ASTN1: variants seen among roughly 807,000 people sequenced by gnomAD.
ASTN1 encodes the protein astrotactin-1.
Under a neutral mutation model 140.7 loss-of-function variants are expected in ASTN1, and 41 were observed. The observed-to-expected ratio is 0.29, with a 90% CI of 0.23 to 0.38. The LOEUF (loss-of-function observed/expected upper bound fraction) is 0.38, where lower values mean the gene tolerates loss of function less well. Ranked by LOEUF, ASTN1 falls within the 10% of genes least tolerant of loss-of-function variation. The pLI, the probability that ASTN1 is intolerant of heterozygous loss-of-function variation, is 1.00. For synonymous variants in ASTN1, 640 were observed against 652.2 expected (o/e 0.98, Z 0.29); for missense variants, 1,479 against 1,678.8 (o/e 0.88, Z 2.08).
rs777376407 is a variant in ASTN1, at chr1:177,032,725, T to C, written c.596A>G (p.Asn199Ser). 1.8e-5 allele frequency: 29 copies of C among 1,613,900 alleles called. No individual in the cohort carries two copies. The highest frequency in any genetic ancestry group is 4.5e-5 in the East Asian group (2 of 44,872). Residue 199 changes from asparagine to serine, a missense_variant, in exon 3 of 23, where the codon AAT becomes AGT. By Grantham distance (46) the Asn-to-Ser change is conservative. Around this residue, in one of 3 missense-constraint regions of ASTN1, gnomAD observed 729 missense variants for 860.4 expected, o/e 0.85. Transcript: ENST00000361833. ...CACAGAAGGAATGTAGTGAATCTCA[T>C]TGGCTGCCTCAGCACTGGCACTCTT... The part of the protein sequence containing the change: ...PQKSASAEAA[N>S]EIHYIPSVLI...
intron 15 of ASTN1, 176 bp downstream of exon 15, chr1:176,936,090 G>T (rs1557972558): frequency 2.9e-6 from 2 of 691,414 alleles, no homozygotes. Flanking sequence ...ACTTAGAAAA[G>T]AATTCGATTC....
intron 1 of ASTN1, among the ~76,000 whole-genome samples, chr1:177,136,429 C>T (rs977186329): frequency 1.6e-4 from 24 of 151,458 alleles, no homozygotes; most frequent in African/African-American, 5.1e-4. Flanking sequence ...CTCAGCTCAC[C>T]GCAACTTCCA....
At chr1:177,012,763 G>T (rs540831266) in intron 8 of ASTN1, among the ~76,000 whole-genome samples, 1 of 152,336 alleles carries the variant, frequency 6.6e-6, no homozygotes, top group East Asian at 1.9e-4. Flanking sequence ...CAAGGCTAGA[G>T]ATGTGGAGGC....
chr1:177,153,116 C>T (rs1683108199), intron 1 of ASTN1, among the ~76,000 whole-genome samples: 1 of 152,026 alleles, frequency 6.6e-6, no homozygotes, highest in Non-Finnish European at 1.5e-5. Flanking sequence ...ATGGAAGGTG[C>T]CTGGGTTGTA....
chr1:177,061,020 C>A (rs1302212078), intron 2 of ASTN1, 58 bp downstream of exon 2: 1 of 1,416,474 alleles, frequency 7.1e-7, no homozygotes. Context: ...TACCAAGACC[C>A]TTAATGTCAA....
intron 8 of ASTN1, among the ~76,000 whole-genome samples, chr1:176,971,845 C>A (rs2101863573): frequency 6.6e-6 from 1 of 152,266 alleles, no homozygotes; most frequent in South Asian, 2.1e-4. Context: ...CTGGATGAGG[C>A]AATCATTGAA....
intron 2 of ASTN1, among the ~76,000 whole-genome samples, chr1:177,041,404 G>A (rs992362134): frequency 6.6e-6 from 1 of 152,190 alleles, no homozygotes; most frequent in African/African-American, 2.4e-5. Flanking sequence ...CAGATAGGCT[G>A]GAAGATAAAA....
Position 176,962,786 on chromosome 1 carries a change from C to T in ASTN1, c.1598+2377G>A, listed in dbSNP as rs563276797. ...ATTAGTTTGCTCTGGGTATGATCAT[C>T]GGTCATTTTTAAAGCACATTGGGGA... is the stretch of plus-strand genomic sequence containing the variant. On this transcript the variant is annotated intron_variant, in intron 9 of 22. Transcript: ENST00000361833. Among the ~76,000 whole-genome samples, 10 of 152,220 alleles carry T rather than the reference C, an allele frequency of 6.6e-5. No homozygotes were observed. In the South Asian group the frequency reaches 1.2e-3, roughly 19 times the overall value.
At chr1:177,015,911 C>A (rs116123856) in intron 7 of ASTN1, among the ~76,000 whole-genome samples, 3,400 of 152,232 alleles carry the variant, frequency 0.022, 123 homozygotes, top group African/African-American at 0.076. Context: ...TAAATGTCTG[C>A]TTAATTTATA....
Position 177,024,623 on chromosome 1 carries a change from G to C in ASTN1, c.1230C>G (p.Val410=). 1.2e-6 allele frequency: 2 copies of C among 1,614,070 alleles called. No individual in the cohort carries two copies. Among genetic ancestry groups the C allele is most frequent in the Non-Finnish European group, 1.7e-6 (2 of 1,180,008 alleles). Residue 410 remains valine, a synonymous_variant, in exon 6 of 23, where the codon GTC becomes GTG. Transcript: ENST00000361833. ...CSSHVNCPLV[V]KITLHVPEHL... is the part of the protein sequence containing the mutation. ...GCTCAGGGACATGCAGGGTGATCTT[G>C]ACAACGAGAGGGCAGTTGACGTGAG...
intron 17 of ASTN1, among the ~76,000 whole-genome samples, chr1:176,892,237 T>A (rs1669298611): frequency 6.6e-6 from 1 of 152,186 alleles, no homozygotes. Context: ...ATTACTTTGA[T>A]GCCAAATTAT....
At chr1:177,007,023 C>A (rs868300788) in intron 8 of ASTN1, among the ~76,000 whole-genome samples, 2 of 152,196 alleles carry the variant, frequency 1.3e-5, no homozygotes, top group African/African-American at 4.8e-5. Flanking sequence ...CAACACCCAG[C>A]GGTTACTATG....
intron 1 of ASTN1, among the ~76,000 whole-genome samples, chr1:177,072,027 AG>A (rs2102056913): frequency 6.6e-6 from 1 of 152,296 alleles, no homozygotes; most frequent in Non-Finnish European, 1.5e-5. Context: ...AAGGCCAATG[AG>A]GGTAAGTGAC....
chr1:176,947,227 T>G (rs538316243), intron 12 of ASTN1, among the ~76,000 whole-genome samples: 56 of 152,318 alleles, frequency 3.7e-4, no homozygotes, highest in Admixed American at 2.7e-3. Context: ...TTCACTGGGT[T>G]GTTGAGAAGA....
At chr1:177,087,378 T>A (rs1225455328) in intron 1 of ASTN1, among the ~76,000 whole-genome samples, 1 of 152,168 alleles carries the variant, frequency 6.6e-6, no homozygotes, top group Non-Finnish European at 1.5e-5. Flanking sequence ...TCAGTGACAT[T>A]CTGGAGATCC....
intron 3 of ASTN1, among the ~76,000 whole-genome samples, chr1:177,031,497 T>C (rs182411466): frequency 6.6e-5 from 10 of 152,338 alleles, no homozygotes; most frequent in Non-Finnish European, 1.0e-4. Context: ...CCAGGTGTTA[T>C]GGTCAATATG....
chr1:177,099,170 G>A (rs1205658163), intron 1 of ASTN1, among the ~76,000 whole-genome samples: 4 of 152,022 alleles, frequency 2.6e-5, no homozygotes, highest in Admixed American at 6.6e-5. Flanking sequence ...TAAGGACAAA[G>A]TATTATGTTG....
At chr1:177,115,347 G>C (rs937338114) in intron 1 of ASTN1, among the ~76,000 whole-genome samples, 4 of 152,150 alleles carry the variant, frequency 2.6e-5, no homozygotes, top group Admixed American at 1.3e-4. Flanking sequence ...TTATACTTTT[G>C]TGATATTTAA....
chr1:176,938,716 C>T lies in ASTN1; in HGVS notation c.2378-2346G>A, dbSNP rs114292472. Among the ~76,000 whole-genome samples, 505 of 152,314 alleles carry T rather than the reference C, an allele frequency of 3.3e-3. 1 individual carries two copies. In the Middle Eastern group the frequency reaches 0.045, roughly 13 times the overall value. On this transcript the variant is annotated intron_variant, in intron 14 of 22. Transcript: ENST00000361833. ...CAGTCATATGACTTTAGGGAGGCCA[C>T]TCATTTACTTGTGTTTTCATATATG...
Sources: gnomAD v4.1 joint callset for allele counts (sites outside exome capture counted in the v4.1 genomes callset) on GRCh38, gnomAD v4.1.1 for gene constraint, gnomAD v4.1.1 regional missense constraint, MANE v1.5 for transcripts, NCBI Gene and HGNC (gene_info 2026-07-23, HGNC 2026-07-21) for gene names.